GRIN2A: variants seen among roughly 807,000 people sequenced by gnomAD.
GRIN2A encodes the protein glutamate receptor ionotropic, NMDA 2A.
In GRIN2A, 22 loss-of-function variants were observed where a neutral mutation model predicts 113.4. That is an observed-to-expected ratio of 0.19 (90% CI 0.14 to 0.28). The LOEUF (loss-of-function observed/expected upper bound fraction) is 0.28, where lower values mean the gene tolerates loss of function less well. GRIN2A is among the 10% of genes least tolerant of loss of function. GRIN2A has a pLI of 1.00. For missense variants in GRIN2A, 1,502 were observed against 1,887.0 expected, an observed-to-expected ratio of 0.80 and a Z score of 3.78; for synonymous variants, 827 against 738.4, an observed-to-expected ratio of 1.12 and a Z score of -1.94.
chr16:9,916,326 G>GA (rs1018107958), intron 3 of GRIN2A, among the ~76,000 whole-genome samples: 27 of 152,142 alleles, frequency 1.8e-4, no homozygotes, highest in African/African-American at 6.3e-4. Flanking sequence ...TGAGTCCTTG[G>GA]AAAAAAAGAA....
chr16:10,147,505 A>G (rs1097732), intron 2 of GRIN2A, among the ~76,000 whole-genome samples: 88,053 of 145,956 alleles, frequency 0.6, 27,157 homozygotes, highest in East Asian at 0.92. Context: ...GCATGGTGGT[A>G]CACACCTGTG....
At chr16:10,013,128 C>T (rs985560473) in intron 2 of GRIN2A, among the ~76,000 whole-genome samples, 5 of 152,186 alleles carry the variant, frequency 3.3e-5, no homozygotes, top group South Asian at 2.1e-4. Flanking sequence ...AACAAACCTT[C>T]GCATGTACCC....
At chr16:9,802,692 T>C (rs770231304) in intron 10 of GRIN2A, among the ~76,000 whole-genome samples, 6 of 152,198 alleles carry the variant, frequency 3.9e-5, no homozygotes, top group Non-Finnish European at 7.3e-5. Flanking sequence ...CCAGACTTTA[T>C]ATTATAAAAC....
chr16:9,997,737 G>T (rs117936044), intron 2 of GRIN2A, among the ~76,000 whole-genome samples: 13,186 of 152,196 alleles, frequency 0.087, 664 homozygotes, highest in Non-Finnish European at 0.11. Flanking sequence ...GGAGGTAAGT[G>T]AATCATGGAG....
chr16:10,139,692 TG>T (rs1339206391), intron 2 of GRIN2A, among the ~76,000 whole-genome samples: 1 of 152,038 alleles, frequency 6.6e-6, no homozygotes, highest in Non-Finnish European at 1.5e-5. Context: ...CAAAGTGGGG[TG>T]GGGGGAATAC....
intron 11 of GRIN2A, among the ~76,000 whole-genome samples, chr16:9,772,408 G>T (rs1901327726): frequency 6.6e-6 from 1 of 152,186 alleles, no homozygotes; most frequent in Admixed American, 6.6e-5. Flanking sequence ...TCTCACTACA[G>T]TCGCCCAGGC....
Position 9,755,823 on chromosome 16 carries a change from G to A in GRIN2A, c.*7326C>T, listed in dbSNP as rs142407415. 449 of 202,120 alleles carry A rather than the reference G, an allele frequency of 2.2e-3. 3 individuals are homozygous for A. The highest frequency in any genetic ancestry group is 9.8e-3 in the African/African-American group (426 of 43,436). The allele number at this position is 202,120 out of a possible 1,614,324, so 12.5% of individuals were successfully genotyped here. ...CCGTCATTATCCTAATGCTAAGTGAGCCGGGAATTATCTCTAAGACAATTT... is the reference window on the plus strand; with the variant it reads ...CCGTCATTATCCTAATGCTAAGTGAACCGGGAATTATCTCTAAGACAATTT... On this transcript the variant is annotated 3_prime_UTR_variant, in exon 13 of 13. Coordinates refer to ENST00000330684, the MANE Select transcript of GRIN2A (RefSeq NM_001134407.3).
chr16:9,955,595 T>C (rs2045288008), intron 2 of GRIN2A, among the ~76,000 whole-genome samples: 2 of 152,246 alleles, frequency 1.3e-5, no homozygotes, highest in Admixed American at 1.3e-4. Flanking sequence ...CATTGATTTA[T>C]AGACTGCTTT....
At chr16:9,954,652 A>T (rs771465192) in intron 2 of GRIN2A, among the ~76,000 whole-genome samples, 1 of 152,084 alleles carries the variant, frequency 6.6e-6, no homozygotes. Context: ...CCATTTTTCA[A>T]TCCCTTGCCG....
intron 2 of GRIN2A, among the ~76,000 whole-genome samples, chr16:9,993,993 T>C (rs775509189): frequency 2.6e-5 from 4 of 152,184 alleles, no homozygotes; most frequent in Non-Finnish European, 4.4e-5. Flanking sequence ...TCTACAGGAA[T>C]TGCAGATGGA....
chr16:9,931,882 G>A (rs1156384367), intron 3 of GRIN2A, among the ~76,000 whole-genome samples: 6 of 152,152 alleles, frequency 3.9e-5, no homozygotes, highest in African/African-American at 1.4e-4. Context: ...CAAACTTAAT[G>A]CTTTGCATTT....
intron 3 of GRIN2A, among the ~76,000 whole-genome samples, chr16:9,902,962 C>CG (rs2043958915): frequency 2.4e-4 from 2 of 8,310 alleles, no homozygotes; most frequent in African/African-American, 1.0e-3. Context: ...TTTTTTTTGG[C>CG]GGGGGGGTGG....
chr16:9,898,561 A>G (rs1567163387), intron 3 of GRIN2A, among the ~76,000 whole-genome samples: 1 of 152,136 alleles, frequency 6.6e-6, no homozygotes. Context: ...CACAAATGCC[A>G]CCATAACCCA....
intron 2 of GRIN2A, among the ~76,000 whole-genome samples, chr16:10,136,598 C>T (rs757025908): frequency 6.6e-6 from 1 of 152,124 alleles, no homozygotes. Context: ...CAATATTTTG[C>T]TCTGCATATT....
At chr16:10,038,940 T>C (rs1365377812) in intron 2 of GRIN2A, among the ~76,000 whole-genome samples, 1 of 151,668 alleles carries the variant, frequency 6.6e-6, no homozygotes, top group Non-Finnish European at 1.5e-5. Flanking sequence ...TTGCAACTAG[T>C]CCTTCAAAAA....
intron 4 of GRIN2A, among the ~76,000 whole-genome samples, chr16:9,882,515 G>A (rs889717244): frequency 3.3e-5 from 5 of 152,124 alleles, no homozygotes; most frequent in Admixed American, 6.6e-5. Context: ...GGCCGGGTGC[G>A]GTGCCTCATG....
At chr16:10,130,312 G>A (rs912032573) in intron 2 of GRIN2A, among the ~76,000 whole-genome samples, 3 of 152,084 alleles carry the variant, frequency 2.0e-5, no homozygotes, top group Non-Finnish European at 4.4e-5. Flanking sequence ...GCAAATTCAG[G>A]GCATACCACG....
At chr16:10,014,346 C>G (rs1016115717) in intron 2 of GRIN2A, among the ~76,000 whole-genome samples, 1 of 152,204 alleles carries the variant, frequency 6.6e-6, no homozygotes, top group African/African-American at 2.4e-5. Flanking sequence ...ACCCTGCATT[C>G]TAGTTTAGTA....
At chr16:9,949,546 G>C (rs2045119387) in intron 2 of GRIN2A, among the ~76,000 whole-genome samples, 1 of 151,934 alleles carries the variant, frequency 6.6e-6, no homozygotes, top group Non-Finnish European at 1.5e-5. Flanking sequence ...ATGGATGGTT[G>C]GGAGGATGAA....
Sources: allele counts gnomAD v4.1 joint callset (sites outside exome capture counted in the v4.1 genomes callset), GRCh38; gene constraint gnomAD v4.1.1; transcripts MANE v1.5; gene names NCBI Gene and HGNC (gene_info 2026-07-23, HGNC 2026-07-21).